Variants in NOTCH2NLA observed in about 807,000 individuals in gnomAD.
NOTCH2NLA encodes notch homolog 2 N-terminal-like protein A.
intron 2 of NOTCH2NLA, among the ~76,000 whole-genome samples, chr1:146,187,448 C>A: frequency 7.4e-6 from 1 of 135,262 alleles, no homozygotes; most frequent in Non-Finnish European, 1.7e-5. Flanking sequence ...CTTGAGGAAT[C>A]GCCACACTGA....
At position 146,220,028 on chromosome 1, in the gene NOTCH2NLA, T is replaced by C. The variant is rs80072327; in HGVS notation, c.-45+8681A>G. On this transcript the variant is annotated intron_variant, in intron 1 of 4. Transcript: ENST00000362074. ...GGTGCCAGAGAAAATCAGCAAAGTA[T>C]AAATATGAGTTAATTATCTGTAAAC... 8.9e-4 allele frequency among the ~76,000 whole-genome samples: 35 copies of C among 39,442 alleles called. 1 individual carries two copies. Among genetic ancestry groups the C allele is most frequent in the Non-Finnish European group, 1.2e-3 (29 of 23,970 alleles). The allele number at this position is 39,442 out of a possible 152,430, so 25.9% of individuals were successfully genotyped here.
chr1:146,180,274 C>T (rs1300866788), intron 2 of NOTCH2NLA, among the ~76,000 whole-genome samples: 5 of 142,890 alleles, frequency 3.5e-5, no homozygotes, highest in Non-Finnish European at 6.4e-5. Context: ...CTCATATTTA[C>T]GTGAAGGCAA....
At chr1:146,172,851 C>G (rs587671894) in intron 2 of NOTCH2NLA, among the ~76,000 whole-genome samples, 1 of 144,982 alleles carries the variant, frequency 6.9e-6, no homozygotes, top group East Asian at 1.9e-4. Context: ...TGTAGGTTCC[C>G]TGAATACCTG....
In NOTCH2NLA at chr1:146,186,818, C is replaced by A. The variant is rs1412126524; in HGVS notation, c.38+2482G>T. On this transcript the variant is annotated intron_variant, in intron 2 of 4. Transcript: ENST00000362074. ...ATCTTCAAATAGAACCAATTTGCCT[C>A]TCTGTATGGTATTACCACCCTGAAT... 7.0e-3 allele frequency among the ~76,000 whole-genome samples: 936 copies of A among 133,434 alleles called. 58 individuals are homozygous for A. The highest frequency in any genetic ancestry group is 0.023 in the African/African-American group (902 of 39,724). The allele number at this position is 133,434 out of a possible 152,430, so 87.5% of individuals were successfully genotyped here.
rs1238937479 is a variant in NOTCH2NLA at position 146,195,026 on chromosome 1, C to G, written c.-44-5645G>C. ...CCCAGAAAGCTTCCCCTGGAGGGTT[C>G]TGGTCCTCACAGGGCCACCCCCCCC... On this transcript the variant is annotated intron_variant, in intron 1 of 4. Transcript: ENST00000362074. Among the ~76,000 whole-genome samples the G allele has an allele frequency of 1.5e-4, 16 of 109,120 alleles. 3 individuals carry two copies. The highest frequency in any genetic ancestry group is 5.9e-4 in the African/African-American group (14 of 23,876). The allele number at this position is 109,120 out of a possible 152,430, so 71.6% of individuals were successfully genotyped here.
chr1:146,224,004 CAT>C (rs1217500394), intron 1 of NOTCH2NLA, among the ~76,000 whole-genome samples: 11 of 138,908 alleles, frequency 7.9e-5, no homozygotes, highest in African/African-American at 2.9e-4. Flanking sequence ...GGATCAAAAT[CAT>C]GTGGCAGAGA....
chr1:146,157,281 AC>A (rs1301979291), intron 3 of NOTCH2NLA, among the ~76,000 whole-genome samples: 1 of 150,824 alleles, frequency 6.6e-6, no homozygotes, highest in Non-Finnish European at 1.5e-5. Flanking sequence ...ATATGGTGAA[AC>A]CCTGTCTCTA....
At chr1:146,172,983 A>G (rs1662070216) in intron 2 of NOTCH2NLA, among the ~76,000 whole-genome samples, 1 of 150,276 alleles carries the variant, frequency 6.7e-6, no homozygotes, top group African/African-American at 2.5e-5. Flanking sequence ...TCTGTCTGGT[A>G]GAATAACAGG....
At position 146,200,438 on chromosome 1, in the gene NOTCH2NLA, A is replaced by AAAAAT. The variant is rs1260352404; in HGVS notation, c.-44-11058_-44-11057insATTTT. Among the ~76,000 whole-genome samples, 2 of 19,846 alleles carry AAAAAT rather than the reference A, an allele frequency of 1.0e-4. 1 individual carries two copies. The highest frequency in any genetic ancestry group is 2.8e-3 in the South Asian group (2 of 724). 13.0% of individuals were successfully genotyped at this position (19,846 alleles called of 152,430 possible). ...ACTCTGCCTGAGAAAAAAAAAAAAA[A>AAAAAT]ATATATATATATATATATATTCCTG... On this transcript the variant is annotated intron_variant, in intron 1 of 4. Coordinates refer to ENST00000362074, the Ensembl canonical transcript of NOTCH2NLA.
Position 146,187,491 on chromosome 1 carries a change from T to C in NOTCH2NLA, c.38+1809A>G, listed in dbSNP as rs1345233656. Among the ~76,000 whole-genome samples the C allele has an allele frequency of 7.4e-5, 10 of 135,902 alleles. 2 individuals are homozygous for C. The allele number at this position is 135,902 out of a possible 152,430, so 89.2% of individuals were successfully genotyped here. A position where few individuals can be genotyped will look rare whatever the true frequency, so the allele number is the denominator to read the frequency against. On this transcript the variant is annotated intron_variant, in intron 2 of 4. Transcript: ENST00000362074. ...AAAGGAGAGAACCAGTGTCTTCTTA[T>C]TTAACATAAATAGATAAGAAACATG...
downstream of NOTCH2NLA, chr1:146,154,006 T>TATACAC (rs1331429274): frequency 6.6e-5 from 6 of 91,420 alleles, no homozygotes; most frequent in African/African-American, 2.7e-4. Context: ...CACAACGCCA[T>TATACAC]ACACACACAC....
intron 3 of NOTCH2NLA, among the ~76,000 whole-genome samples, chr1:146,159,397 A>G (rs1231155785): frequency 5.2e-4 from 45 of 87,304 alleles, no homozygotes; most frequent in African/African-American, 9.3e-4. Context: ...AAGAGAGAGA[A>G]AGAAAGAAAG....
Position 146,194,796 on chromosome 1 carries a change from T to A in NOTCH2NLA, c.-44-5415A>T, listed in dbSNP as rs1260569890. Among the ~76,000 whole-genome samples the A allele has an allele frequency of 2.1e-4, 21 of 100,190 alleles. 6 individuals are homozygous for A. Among genetic ancestry groups the A allele is most frequent in the Admixed American group, 1.5e-3 (14 of 9,486 alleles). The allele number at this position is 100,190 out of a possible 152,430, so 65.7% of individuals were successfully genotyped here. A position where few individuals can be genotyped will look rare whatever the true frequency, so the allele number is the denominator to read the frequency against. On this transcript the variant is annotated intron_variant, in intron 1 of 4. Transcript: ENST00000362074. ...TAGGCTCCCATGCTGGCCTTCCAGA[T>A]CAGAGCTTACCTTACGTGCCCAGTA...
chr1:146,188,020 C>G (rs1662868577), intron 2 of NOTCH2NLA, among the ~76,000 whole-genome samples: 1 of 133,046 alleles, frequency 7.5e-6, no homozygotes, highest in Non-Finnish European at 1.7e-5. Context: ...AAAAAAAAAT[C>G]TTGTTTATAA....
chr1:146,182,415 A>C lies in NOTCH2NLA; in HGVS notation c.38+6885T>G, dbSNP rs1353836770. 1.6e-4 allele frequency among the ~76,000 whole-genome samples: 23 copies of C among 139,548 alleles called. 3 individuals are homozygous for C. Among genetic ancestry groups the C allele is most frequent in the Middle Eastern group, 6.9e-3 (2 of 288 alleles). The allele number at this position is 139,548 out of a possible 152,430, so 91.5% of individuals were successfully genotyped here. ...TAGTCTCTCTCTCACATGAGGACTA[A>C]AGTAAATACATGTAAACTACTTGAG... On this transcript the variant is annotated intron_variant, in intron 2 of 4. Transcript: ENST00000362074.
intron 3 of NOTCH2NLA, among the ~76,000 whole-genome samples, chr1:146,159,502 G>A (rs1168391111): frequency 6.6e-6 from 1 of 151,228 alleles, no homozygotes; most frequent in Non-Finnish European, 1.5e-5. Context: ...CCCTGAATTT[G>A]GTTTCCATAT....
chr1:146,173,332 CATT>C (rs1662094277), intron 2 of NOTCH2NLA, among the ~76,000 whole-genome samples: 2 of 48,418 alleles, frequency 4.1e-5, no homozygotes, highest in African/African-American at 1.5e-4. Flanking sequence ...TCTATAATTC[CATT>C]AAGCTACCCA....
chr1:146,207,815 CTTTTTTTTTTT>C lies in NOTCH2NLA; in HGVS notation c.-44-18445_-44-18435del, dbSNP rs74543040. Among the ~76,000 whole-genome samples, 8 of 72,238 alleles carry C rather than the reference CTTTTTTTTTTT, an allele frequency of 1.1e-4. 1 individual carries two copies. The highest frequency in any genetic ancestry group is 2.7e-4 in the Admixed American group (2 of 7,438). The allele number at this position is 72,238 out of a possible 152,430, so 47.4% of individuals were successfully genotyped here. A position where few individuals can be genotyped will look rare whatever the true frequency, so the allele number is the denominator to read the frequency against. On this transcript the variant is annotated intron_variant, in intron 1 of 4. Transcript: ENST00000362074. ...AATTAGACAGGCCCAATACCACTTT[CTTTTTTTTTTT>C]TTTTTTTTTTTTGGAGACAGGATCT...
At chr1:146,186,372 G>T (rs1177805931) in intron 2 of NOTCH2NLA, among the ~76,000 whole-genome samples, 30 of 97,874 alleles carry the variant, frequency 3.1e-4, no homozygotes, top group African/African-American at 5.0e-4. Flanking sequence ...TTTTTTTTTT[G>T]GAGACACAGT....
Sources: gnomAD v4.1 joint callset for allele counts (sites outside exome capture counted in the v4.1 genomes callset) on GRCh38, gnomAD v4.1.1 for gene constraint, MANE v1.5 for transcripts, NCBI Gene and HGNC (gene_info 2026-07-23, HGNC 2026-07-21) for gene names.